The following CHAMP1 variants were observed in gnomAD, a reference collection of about 807,000 sequenced individuals.
CHAMP1 encodes the protein chromosome alignment-maintaining phosphoprotein 1.
A neutral mutation model predicts 54.5 loss-of-function variants in CHAMP1; 4 were observed. The observed-to-expected ratio is 0.07, with a 90% CI of 0.04 to 0.17. The LOEUF is 0.17. Among genes scored for constraint, CHAMP1 ranks in the 10% least tolerant of loss-of-function variants. The pLI is 1.00. For synonymous variants in CHAMP1, 368 were observed against 342.2 expected, an observed-to-expected ratio of 1.08 and a Z score of -0.83; for missense variants, 994 against 968.6, an observed-to-expected ratio of 1.03 and a Z score of -0.35.
Position 114,324,666 on chromosome 13 carries a change from C to T in CHAMP1, c.824C>T (p.Ser275Phe). 2 of 1,614,036 alleles carry T rather than the reference C, an allele frequency of 1.2e-6. No individual in the cohort carries two copies. Among genetic ancestry groups the T allele is most frequent in the South Asian group, 1.1e-5 (1 of 91,078 alleles). The change falls in exon 3 of 3, where the codon TCC becomes TTC. Residue 275 changes from serine to phenylalanine, a missense_variant. Coordinates refer to ENST00000361283, the MANE Select transcript of CHAMP1 (RefSeq NM_032436.4). ...PESRKSARTT[S>F]PEPRKPSPSE... The stretch of plus-strand genomic sequence containing the variant: ...TCTCGGAAGTCAGCCCGGACTACCT[C>T]CCCTGAGCCAAGGAAGCCATCCCCT...
intron 1 of CHAMP1, among the ~76,000 whole-genome samples, chr13:114,316,652 T>C (rs992593692): frequency 7.9e-5 from 12 of 151,982 alleles, no homozygotes; most frequent in Admixed American, 2.0e-4. Flanking sequence ...AATAAATCAG[T>C]ATTAGCTTAT....
rs375402608 is a variant in CHAMP1, at chr13:114,325,726, C to T, written c.1884C>T (p.Asp628=). 27 of 1,613,900 alleles carry T rather than the reference C, an allele frequency of 1.7e-5. No homozygotes were observed. The highest frequency in any genetic ancestry group is 3.3e-4 in the Middle Eastern group (2 of 6,084). ...AGAAAGACAACCAAGAGAGCTCAGA[C>T]GCTGAGCTTAGTAGTAGTGAGTACA... ...KLKKDNQESS[D]AELSSSEYIK... Residue 628 remains aspartate, a synonymous_variant, in exon 3 of 3, where the codon GAC becomes GAT. Transcript: ENST00000361283.
chr13:114,316,589 C>G (rs1218266439), intron 1 of CHAMP1, among the ~76,000 whole-genome samples: 2 of 148,828 alleles, frequency 1.3e-5, no homozygotes, highest in Non-Finnish European at 3.0e-5. Flanking sequence ...GACTCCCTCT[C>G]AAAAAAAAAT....
At chr13:114,316,007 T>C (rs2087095021) in intron 1 of CHAMP1, among the ~76,000 whole-genome samples, 1 of 151,452 alleles carries the variant, frequency 6.6e-6, no homozygotes, top group South Asian at 2.1e-4. Context: ...TGGCTAATTT[T>C]GTATTTTTAG....
chr13:114,322,203 C>A (rs782500309), intron 2 of CHAMP1: 4 of 152,082 alleles, frequency 2.6e-5, no homozygotes, highest in Non-Finnish European at 4.4e-5. Flanking sequence ...CCACGCCTGG[C>A]TAATTTTTGT....
intron 1 of CHAMP1, among the ~76,000 whole-genome samples, chr13:114,316,723 C>T (rs2087104146): frequency 6.6e-6 from 1 of 150,964 alleles, no homozygotes; most frequent in South Asian, 2.1e-4. Context: ...ATCCTTCATT[C>T]GAAATGCTTG....
At chr13:114,316,595 A>T (rs1039255653) in intron 1 of CHAMP1, among the ~76,000 whole-genome samples, 20 of 152,124 alleles carry the variant, frequency 1.3e-4, no homozygotes, top group South Asian at 4.2e-4. Flanking sequence ...CTCTCAAAAA[A>T]AAATAAATAA....
chr13:114,324,531 A>C lies in CHAMP1; in HGVS notation c.689A>C (p.Gln230Pro). The change falls in exon 3 of 3, where the codon CAG (glutamine) becomes CCG (proline). Residue 230 changes from glutamine to proline, a missense_variant. This residue lies in a region of CHAMP1 where 851 missense variants were observed against 701.3 expected (regional missense o/e 1.21). Coordinates refer to ENST00000361283, the MANE Select transcript of CHAMP1 (RefSeq NM_032436.4). ...ATLSNPKPQK[Q>P]SHFPETLGPP... The stretch of plus-strand genomic sequence containing the variant: ...CTTAGTAATCCCAAACCCCAGAAGC[A>C]GTCTCATTTCCCGGAAACATTGGGG... 1 of 1,614,100 alleles carries C rather than the reference A, an allele frequency of 6.2e-7. No individual in the cohort carries two copies. Among genetic ancestry groups the C allele is most frequent in the Non-Finnish European group, 8.5e-7 (1 of 1,180,012 alleles).
chr13:114,317,726 T>C (rs971880187), intron 1 of CHAMP1, among the ~76,000 whole-genome samples: 1 of 152,198 alleles, frequency 6.6e-6, no homozygotes, highest in African/African-American at 2.4e-5. Flanking sequence ...TGAATTTTAA[T>C]TTAAAAAACT....
In CHAMP1 at chr13:114,327,147, G is replaced by A. The variant is rs1358843556; in HGVS notation, c.*866G>A. Reference sequence around the variant, plus strand: ...CCAGGTTGATAAGTAGGAACTGAAAGTCTTCCAGATTCACAGTAGAAAATT... The same window carrying A: ...CCAGGTTGATAAGTAGGAACTGAAAATCTTCCAGATTCACAGTAGAAAATT... On this transcript the variant is annotated 3_prime_UTR_variant, in exon 3 of 3. Coordinates refer to ENST00000361283, the MANE Select transcript of CHAMP1 (RefSeq NM_032436.4). 3.6e-5 allele frequency: 6 copies of A among 166,934 alleles called. No homozygotes were observed. Among genetic ancestry groups the A allele is most frequent in the African/African-American group, 1.4e-4 (6 of 41,412 alleles). The allele number at this position is 166,934 out of a possible 1,614,324, so 10.3% of individuals were successfully genotyped here.
At position 114,324,443 on chromosome 13, in the gene CHAMP1, C is replaced by T. The variant is rs372508540; in HGVS notation, c.601C>T (p.Pro201Ser). The T allele has an allele frequency of 1.3e-5, 21 of 1,614,154 alleles. 1 individual carries two copies. In the South Asian group the frequency reaches 1.8e-4, roughly 14 times the overall value. Residue 201 changes from proline (P) to serine (S), a missense_variant, in exon 3 of 3, where the codon CCT (proline) becomes TCT (serine). Transcript: ENST00000361283. ...VPVCESQKLA[P>S]VPSPEPQKPA... The stretch of plus-strand genomic sequence containing the variant: ...TGTTTGTGAGTCTCAGAAACTTGCC[C>T]CTGTTCCTTCTCCAGAACCACAGAA...
rs781950831 is a variant in CHAMP1, at chr13:114,323,836, C to T, written c.-7C>T. 1.9e-6 allele frequency: 3 copies of T among 1,590,480 alleles called. No individual in the cohort carries two copies. The highest frequency in any genetic ancestry group is 1.8e-5 in the Admixed American group (1 of 56,884). ...TATAACCGTGTGTGTTGGTAACAGA[C>T]AGAAGAATGGAAGCATTCCAGGAAC... On this transcript the variant is annotated 5_prime_UTR_variant, in exon 3 of 3. Coordinates refer to ENST00000361283, the MANE Select transcript of CHAMP1 (RefSeq NM_032436.4).
At position 114,325,617 on chromosome 13, in the gene CHAMP1, G is replaced by A. The variant is rs781834068; in HGVS notation, c.1775G>A (p.Cys592Tyr). 9.9e-6 allele frequency: 16 copies of A among 1,614,190 alleles called. No homozygotes were observed. In the South Asian group the frequency reaches 1.6e-4, roughly 17 times the overall value. Residue 592 changes from cysteine to tyrosine, a missense_variant, in exon 3 of 3, where the codon TGT (cysteine) becomes TAT (tyrosine). Cys to Tyr is a radical substitution (Grantham distance 194). Around this residue, in one of 3 missense-constraint regions of CHAMP1, gnomAD observed 851 missense variants for 701.3 expected, o/e 1.21. Coordinates refer to ENST00000361283, the MANE Select transcript of CHAMP1 (RefSeq NM_032436.4). The part of the protein sequence containing the change: ...LQIDAIDDQK[C>Y]DILVQEELLA... Reference sequence around the variant, plus strand: ...ATAGATGCCATAGATGATCAAAAATGTGATATTTTGGTTCAGGAAGAACTT... The same window carrying A: ...ATAGATGCCATAGATGATCAAAAATATGATATTTTGGTTCAGGAAGAACTT...
chr13:114,323,703 A>C (rs1280034084), intron 2 of CHAMP1, 85 bp from the exon 3 acceptor site: 22 of 1,129,670 alleles, frequency 1.9e-5, no homozygotes, highest in Non-Finnish European at 2.7e-5. Context: ...TTCTAGACTT[A>C]AAATTATGCA....
At position 114,325,536 on chromosome 13, in the gene CHAMP1, A is replaced by T. The variant is rs782270948; in HGVS notation, c.1694A>T (p.Lys565Ile). 3.7e-6 allele frequency: 6 copies of T among 1,614,096 alleles called. No homozygotes were observed. In the South Asian group the frequency reaches 6.6e-5, roughly 18 times the overall value. ...RKHALFPELPKSALFSESQKA... is the reference protein window; with the variant it reads ...RKHALFPELPISALFSESQKA... ...CATGCCCTTTTCCCTGAACTCCCCA[A>T]ATCTGCTCTATTCTCAGAATCACAG... is the stretch of plus-strand genomic sequence containing the variant. The change falls in exon 3 of 3, where the codon AAA (lysine) becomes ATA (isoleucine). Residue 565 changes from lysine (K) to isoleucine (I), a missense_variant. Physicochemically the swap from Lys to Ile is moderately radical, Grantham distance 102. Around this residue, in one of 3 missense-constraint regions of CHAMP1, gnomAD observed 851 missense variants for 701.3 expected, o/e 1.21. Transcript: ENST00000361283.
Position 114,314,504 on chromosome 13 carries a change from C to G in CHAMP1, c.-318C>G, listed in dbSNP as rs970552962. 1 of 151,780 alleles carries G rather than the reference C, an allele frequency of 6.6e-6. No individual in the cohort carries two copies. Among genetic ancestry groups the G allele is most frequent in the Non-Finnish European group, 1.5e-5 (1 of 67,886 alleles). The allele number at this position is 151,780 out of a possible 1,614,324, so 9.4% of individuals were successfully genotyped here. A position where few individuals can be genotyped will look rare whatever the true frequency, so the allele number is the denominator to read the frequency against. ...CGTCCCGCGGGAGCGCGCACGCTCGCGCACCCGGATCCCGGCTCCTGCATC... is the reference window on the plus strand; with the variant it reads ...CGTCCCGCGGGAGCGCGCACGCTCGGGCACCCGGATCCCGGCTCCTGCATC... On this transcript the variant is annotated 5_prime_UTR_variant, in exon 1 of 3. Transcript: ENST00000361283.
rs1291882800 is a variant in CHAMP1, at chr13:114,325,898, A to G, written c.2056A>G (p.Thr686Ala). The G allele has an allele frequency of 6.2e-7, 1 of 1,613,982 alleles. No individual in the cohort carries two copies. The highest frequency in any genetic ancestry group is 1.3e-5 in the African/African-American group (1 of 75,012). ...GCAGTCTAGAAATGTGCTACAGTTT[A>G]CTGAAGAAAAAGAAGCTTTTATCTC... is the stretch of plus-strand genomic sequence containing the variant. ...PEQSRNVLQFTEEKEAFISEE... is the reference protein window; with the variant it reads ...PEQSRNVLQFAEEKEAFISEE... The change falls in exon 3 of 3, where the codon ACT becomes GCT. Residue 686 changes from threonine to alanine, a missense_variant. This residue lies in a region of CHAMP1 where 851 missense variants were observed against 701.3 expected (regional missense o/e 1.21). Coordinates refer to ENST00000361283, the MANE Select transcript of CHAMP1 (RefSeq NM_032436.4).
In CHAMP1 at chr13:114,325,740, G is replaced by A. The variant is rs2087241564; in HGVS notation, c.1898G>A (p.Ser633Asn). The A allele has an allele frequency of 4.3e-6, 7 of 1,614,184 alleles. No homozygotes were observed. In the East Asian group the frequency reaches 1.6e-4, roughly 36 times the overall value. Residue 633 changes from serine to asparagine, a missense_variant, in exon 3 of 3, where the codon AGT (serine) becomes AAT (asparagine). Around this residue, in one of 3 missense-constraint regions of CHAMP1, gnomAD observed 851 missense variants for 701.3 expected, o/e 1.21. Coordinates refer to ENST00000361283, the MANE Select transcript of CHAMP1 (RefSeq NM_032436.4). ...GAGAGCTCAGACGCTGAGCTTAGTA[G>A]TAGTGAGTACATAAAAACAGATTTG... ...NQESSDAELS[S>N]SEYIKTDLDA...
intron 1 of CHAMP1, among the ~76,000 whole-genome samples, chr13:114,316,448 C>G (rs1167089336): frequency 6.6e-6 from 1 of 151,462 alleles, no homozygotes; most frequent in Non-Finnish European, 1.5e-5. Context: ...CAGGCGTGAG[C>G]CTGTGGTGGC....
Sources: allele counts gnomAD v4.1 joint callset (sites outside exome capture counted in the v4.1 genomes callset), GRCh38; gene constraint gnomAD v4.1.1; regional missense constraint gnomAD v4.1.1; transcripts MANE v1.5; gene names NCBI Gene and HGNC (gene_info 2026-07-23, HGNC 2026-07-21).